Variants in SGIP1 observed in about 807,000 individuals in gnomAD.
SGIP1 encodes SH3GL interacting endocytic adaptor 1.
In SGIP1, 38 loss-of-function variants were observed where a neutral mutation model predicts 107.5. The observed-to-expected ratio is 0.35, with a 90% CI of 0.27 to 0.46. The LOEUF (loss-of-function observed/expected upper bound fraction) is 0.46. Among genes scored for constraint, SGIP1 ranks in the 20% least tolerant of loss-of-function variants. SGIP1 has a pLI of 1.00. For missense variants in SGIP1, 929 were observed against 1,019.5 expected, an observed-to-expected ratio of 0.91 and a Z score of 1.21; for synonymous variants, 365 against 366.1, an observed-to-expected ratio of 1.00 and a Z score of 0.03.
intron 1 of SGIP1, 47 bp from the exon 2 acceptor site, chr1:66,625,800 T>C (rs1163621048): frequency 6.5e-7 from 1 of 1,547,152 alleles, no homozygotes; most frequent in Non-Finnish European, 8.9e-7. Context: ...ATATGTTCAC[T>C]TGAATGTTGC....
chr1:66,547,602 A>G (rs1193024109), intron 1 of SGIP1, among the ~76,000 whole-genome samples: 1 of 152,162 alleles, frequency 6.6e-6, no homozygotes, highest in African/African-American at 2.4e-5. Flanking sequence ...ACTAAGACAC[A>G]TAGGAAGTGT....
intron 14 of SGIP1, among the ~76,000 whole-genome samples, chr1:66,680,142 T>C (rs1191924241): frequency 6.6e-6 from 1 of 152,230 alleles, no homozygotes; most frequent in African/African-American, 2.4e-5. Context: ...AGAATTTTGC[T>C]AAGTCTAAAA....
At chr1:66,717,750 T>C (rs1253417549) in intron 18 of SGIP1, among the ~76,000 whole-genome samples, 1 of 152,190 alleles carries the variant, frequency 6.6e-6, no homozygotes, top group Non-Finnish European at 1.5e-5. Flanking sequence ...ATAAAGTCTT[T>C]GAGCCTTGGT....
Position 66,534,242 on chromosome 1 carries a change from A to T in SGIP1, c.-117A>T. ...TTAACACTTATCTCCTTTGGCTTTG[A>T]CAGCGGACGGAATAGACCTCAGCAG... On this transcript the variant is annotated 5_prime_UTR_variant, in exon 1 of 25. Transcript: ENST00000371037. 9.2e-7 allele frequency: 1 copy of T among 1,092,054 alleles called. No homozygotes were observed. The highest frequency in any genetic ancestry group is 1.4e-6 in the Non-Finnish European group (1 of 711,370). The allele number at this position is 1,092,054 out of a possible 1,614,324, so 67.6% of individuals were successfully genotyped here. A position where few individuals can be genotyped will look rare whatever the true frequency, so the allele number is the denominator to read the frequency against.
At chr1:66,620,747 G>A (rs72918453) in intron 1 of SGIP1, among the ~76,000 whole-genome samples, 2,636 of 152,264 alleles carry the variant, frequency 0.017, 74 homozygotes, top group African/African-American at 0.06. Flanking sequence ...CATAAGAAAT[G>A]TATTTTATAT....
At chr1:66,537,202 A>C (rs2053834315) in intron 1 of SGIP1, among the ~76,000 whole-genome samples, 1 of 152,110 alleles carries the variant, frequency 6.6e-6, no homozygotes, top group African/African-American at 2.4e-5. Flanking sequence ...AGGGGACTTG[A>C]TTTGCTGCTT....
Position 66,739,609 on chromosome 1 carries a change from C to G in SGIP1, c.2234+72C>G, listed in dbSNP as rs190270206. The G allele has an allele frequency of 7.4e-6, 11 of 1,487,118 alleles. No homozygotes were observed. The East Asian group carries it at 1.8e-4, about 25-fold the overall frequency. 92.1% of individuals were successfully genotyped at this position (1,487,118 alleles called of 1,614,324 possible). ...GAGGTCACAGACTCCTTAGCACTTGCGTGTCCTGTAGGAGGAGATGACAGC... is the reference window on the plus strand; with the variant it reads ...GAGGTCACAGACTCCTTAGCACTTGGGTGTCCTGTAGGAGGAGATGACAGC... On this transcript the variant is annotated intron_variant, in intron 22 of 24. Coordinates refer to ENST00000371037, the MANE Select transcript of SGIP1 (RefSeq NM_032291.4).
In SGIP1 at chr1:66,744,257, G is replaced by A. The variant is rs769387120; in HGVS notation, c.*1162G>A. On this transcript the variant is annotated 3_prime_UTR_variant, in exon 25 of 25. Transcript: ENST00000371037. ...TAATAAATTTCCTTTTGGATGATTA[G>A]GATTCATTGTATAAAACTGTAAATC... 7.2e-5 allele frequency: 11 copies of A among 152,104 alleles called. No individual in the cohort carries two copies. Among genetic ancestry groups the A allele is most frequent in the Non-Finnish European group, 1.5e-4 (10 of 67,972 alleles). The allele number at this position is 152,104 out of a possible 1,614,324, so 9.4% of individuals were successfully genotyped here. A position where few individuals can be genotyped will look rare whatever the true frequency, so the allele number is the denominator to read the frequency against.
At chr1:66,586,352 A>ACATAGTAAACT (rs2062615505) in intron 1 of SGIP1, among the ~76,000 whole-genome samples, 1 of 152,168 alleles carries the variant, frequency 6.6e-6, no homozygotes, top group Non-Finnish European at 1.5e-5. Context: ...ATAACTGATT[A>ACATAGTAAACT]GAGTTTAACT....
intron 1 of SGIP1, among the ~76,000 whole-genome samples, chr1:66,549,397 A>G (rs577423451): frequency 2.0e-5 from 3 of 152,196 alleles, no homozygotes; most frequent in East Asian, 1.9e-4. Context: ...CATTAAAATA[A>G]CACAGATAAC....
chr1:66,576,477 A>G (rs1327059597), intron 1 of SGIP1, among the ~76,000 whole-genome samples: 1 of 152,222 alleles, frequency 6.6e-6, no homozygotes, highest in Non-Finnish European at 1.5e-5. Flanking sequence ...CATCTACAAA[A>G]TAAAGATGAT....
At chr1:66,677,216 TAA>T in intron 13 of SGIP1, 120 bp downstream of exon 13, 1 of 718,650 alleles carries the variant, frequency 1.4e-6, no homozygotes, top group Non-Finnish European at 2.3e-6. Context: ...TGAATAATAT[TAA>T]GAAGAGATGT....
At chr1:66,667,572 A>G (rs1339508022) in intron 9 of SGIP1, 31 bp downstream of exon 9, 2 of 1,611,036 alleles carry the variant, frequency 1.2e-6, no homozygotes, top group Admixed American at 1.7e-5. Context: ...TACCTTAAAC[A>G]TGTATAGAGA....
chr1:66,722,311 C>T (rs79919968), intron 19 of SGIP1, among the ~76,000 whole-genome samples: 2 of 152,148 alleles, frequency 1.3e-5, no homozygotes, highest in Admixed American at 6.5e-5. Flanking sequence ...AATAACAACA[C>T]CGCTCCCCAC....
At chr1:66,601,343 C>A (rs953554150) in intron 1 of SGIP1, among the ~76,000 whole-genome samples, 3 of 151,926 alleles carry the variant, frequency 2.0e-5, no homozygotes, top group African/African-American at 7.3e-5. Flanking sequence ...CCAGCCTGGG[C>A]GACACAGAGA....
At chr1:66,679,454 T>C (rs1394651470) in intron 13 of SGIP1, among the ~76,000 whole-genome samples, 3 of 152,210 alleles carry the variant, frequency 2.0e-5, no homozygotes, top group Non-Finnish European at 4.4e-5. Context: ...ATTATTACTG[T>C]CCAACATTCT....
At position 66,582,307 on chromosome 1, in the gene SGIP1, G is replaced by A. The variant is rs145124896; in HGVS notation, c.11-43540G>A. 1.7e-4 allele frequency among the ~76,000 whole-genome samples: 26 copies of A among 152,198 alleles called. No individual in the cohort carries two copies. The East Asian group carries it at 4.6e-3, about 27-fold the overall frequency. On this transcript the variant is annotated intron_variant, in intron 1 of 24. Transcript: ENST00000371037. The stretch of plus-strand genomic sequence containing the variant: ...TGAAAATGAAAACCTTTGCTCAGAA[G>A]TATTTGTTCTCAGAGGAAGTGGCCA...
intron 23 of SGIP1, 50 bp from the exon 24 acceptor site, chr1:66,741,222 T>A (rs2094437483): frequency 1.3e-6 from 2 of 1,493,080 alleles, no homozygotes; most frequent in Admixed American, 2.4e-5. Flanking sequence ...CAAAATTATA[T>A]CCGAAATATT....
At chr1:66,627,404 A>G (rs559084007) in intron 2 of SGIP1, among the ~76,000 whole-genome samples, 54 of 152,272 alleles carry the variant, frequency 3.5e-4, no homozygotes, top group Admixed American at 2.4e-3. Flanking sequence ...ACTTGGGGTT[A>G]CAGGTAAATG....
Sources: allele counts gnomAD v4.1 joint callset (sites outside exome capture counted in the v4.1 genomes callset), GRCh38; gene constraint gnomAD v4.1.1; transcripts MANE v1.5; gene names NCBI Gene and HGNC (gene_info 2026-07-23, HGNC 2026-07-21).